Variants in NFIB observed in about 807,000 individuals in gnomAD.
NFIB encodes nuclear factor 1 B-type.
NFIB carries 11 observed loss-of-function variants against 61.5 expected under a neutral mutation model. That is an observed-to-expected ratio of 0.18 (90% CI 0.11 to 0.30). The LOEUF is 0.30. Among genes scored for constraint, NFIB ranks in the 10% least tolerant of loss-of-function variants. The pLI, the probability that NFIB is intolerant of heterozygous loss-of-function variation, is 1.00. For missense variants in NFIB, 471 were observed against 608.9 expected (o/e 0.77, Z 2.38); for synonymous variants, 260 against 216.5 (o/e 1.20, Z -1.76).
At chr9:14,424,964 C>A in the NFIB span, among the ~76,000 whole-genome samples, 1 of 152,122 alleles carries the variant, frequency 6.6e-6, no homozygotes, top group Non-Finnish European at 1.5e-5. Context: ...AATTGATCAG[C>A]TCTGTTCCAA....
the NFIB span, among the ~76,000 whole-genome samples, chr9:14,445,878 G>C: frequency 3.3e-5 from 5 of 152,004 alleles, no homozygotes; most frequent in South Asian, 8.3e-4. Flanking sequence ...TGTTTGATTG[G>C]GGAACATTTT....
chr9:14,359,572 G>A (rs2061215003), intron 1 of NFIB, among the ~76,000 whole-genome samples: 1 of 152,168 alleles, frequency 6.6e-6, no homozygotes, highest in African/African-American at 2.4e-5. Context: ...CTCCATAAAT[G>A]TGAGATAATC....
chr9:14,279,288 T>C (rs2058211348), intron 2 of NFIB, among the ~76,000 whole-genome samples: 1 of 152,172 alleles, frequency 6.6e-6, no homozygotes, highest in Non-Finnish European at 1.5e-5. Context: ...ATATTACATC[T>C]ACTAATCACT....
chr9:14,341,962 C>T (rs1425886244), intron 1 of NFIB, among the ~76,000 whole-genome samples: 1 of 149,958 alleles, frequency 6.7e-6, no homozygotes, highest in Non-Finnish European at 1.5e-5. Flanking sequence ...AAAAATCAGT[C>T]ATTTTGACAA....
At chr9:14,303,005 G>T (rs770586709) in intron 2 of NFIB, among the ~76,000 whole-genome samples, 2 of 152,106 alleles carry the variant, frequency 1.3e-5, no homozygotes, top group African/African-American at 4.8e-5. Context: ...TGAGAATTTC[G>T]TAACAGTGTG....
chr9:14,529,310 T>C, the NFIB span, among the ~76,000 whole-genome samples: 2 of 152,116 alleles, frequency 1.3e-5, no homozygotes, highest in African/African-American at 2.4e-5. Flanking sequence ...CAGGAAGCAA[T>C]TGCCTGGGTA....
intron 7 of NFIB, among the ~76,000 whole-genome samples, chr9:14,123,837 G>C (rs894199622): frequency 3.3e-5 from 5 of 150,134 alleles, no homozygotes; most frequent in Non-Finnish European, 7.4e-5. Context: ...TTGCCCCTCT[G>C]CCTCCCACAT....
chr9:14,274,233 T>C (rs549199600), intron 2 of NFIB, among the ~76,000 whole-genome samples: 2 of 141,854 alleles, frequency 1.4e-5, no homozygotes, highest in South Asian at 2.3e-4. Flanking sequence ...CCTTTCTCTC[T>C]CTAGCATTCT....
chr9:14,197,853 T>C (rs1185616885), intron 2 of NFIB, among the ~76,000 whole-genome samples: 3 of 151,966 alleles, frequency 2.0e-5, no homozygotes, highest in African/African-American at 7.3e-5. Flanking sequence ...TACAAAACAA[T>C]GACGAAAAGG....
At chr9:14,189,478 C>T (rs2047702247) in intron 2 of NFIB, among the ~76,000 whole-genome samples, 1 of 151,648 alleles carries the variant, frequency 6.6e-6, no homozygotes, top group Non-Finnish European at 1.5e-5. Context: ...ATTAGAAATA[C>T]TAGGAAAAAA....
At chr9:14,465,889 G>T in the NFIB span, among the ~76,000 whole-genome samples, 1 of 152,234 alleles carries the variant, frequency 6.6e-6, no homozygotes, top group African/African-American at 2.4e-5. Context: ...TCTCCCAGTT[G>T]TGACAATCGA....
chr9:14,360,026 C>T (rs2061219804), intron 1 of NFIB, among the ~76,000 whole-genome samples: 1 of 152,062 alleles, frequency 6.6e-6, no homozygotes. Context: ...TTTTGGAGAA[C>T]TTTTGAAAGT....
At chr9:14,165,971 C>A (rs1169244596) in intron 3 of NFIB, among the ~76,000 whole-genome samples, 4 of 152,090 alleles carry the variant, frequency 2.6e-5, no homozygotes, top group African/African-American at 9.7e-5. Context: ...GTATTGTACA[C>A]TTAAAAATGG....
intron 2 of NFIB, among the ~76,000 whole-genome samples, chr9:14,185,705 C>T (rs745529084): frequency 2.0e-5 from 3 of 152,100 alleles, no homozygotes; most frequent in Admixed American, 1.3e-4. Flanking sequence ...CAAAGCATAC[C>T]GCTCTGTGTA....
chr9:14,456,043 A>T, the NFIB span, among the ~76,000 whole-genome samples: 1 of 152,166 alleles, frequency 6.6e-6, no homozygotes, highest in African/African-American at 2.4e-5. Context: ...GTTGGACCTG[A>T]CCTCATATAT....
chr9:14,274,251 T>TACACACACACACACACACACAC lies in NFIB; in HGVS notation c.562+32716_562+32737dup, dbSNP rs71321975. On this transcript the variant is annotated intron_variant, in intron 2 of 10. Transcript: ENST00000380953. Reference sequence around the variant, plus strand: ...TTCTCTCTCTAGCATTCTTCCTCCCTACACACACACACACACACACACACA... The same window carrying TACACACACACACACACACACAC: ...TTCTCTCTCTAGCATTCTTCCTCCCTACACACACACACACACACACACACACACACACACACACACACACACA... Among the ~76,000 whole-genome samples the TACACACACACACACACACACAC allele has an allele frequency of 1.4e-3, 178 of 124,008 alleles. 11 individuals are homozygous for TACACACACACACACACACACAC. The highest frequency in any genetic ancestry group is 5.0e-3 in the African/African-American group (158 of 31,666). The allele number at this position is 124,008 out of a possible 152,430, so 81.4% of individuals were successfully genotyped here.
the NFIB span, among the ~76,000 whole-genome samples, chr9:14,420,130 T>C: frequency 6.6e-6 from 1 of 152,070 alleles, no homozygotes; most frequent in Non-Finnish European, 1.5e-5. Flanking sequence ...TTCAGTCTTT[T>C]CTCAACACTT....
chr9:14,498,630 AT>A, the NFIB span, among the ~76,000 whole-genome samples: 1 of 152,140 alleles, frequency 6.6e-6, no homozygotes, highest in Non-Finnish European at 1.5e-5. Flanking sequence ...TTCAGAGGAA[AT>A]TTGGGTGTCT....
chr9:14,452,655 C>T, the NFIB span, among the ~76,000 whole-genome samples: 1 of 152,020 alleles, frequency 6.6e-6, no homozygotes, highest in Non-Finnish European at 1.5e-5. Context: ...CATATTTGGC[C>T]CTATTCCCTA....
Sources: gnomAD v4.1 joint callset for allele counts (sites outside exome capture counted in the v4.1 genomes callset) on GRCh38, gnomAD v4.1.1 for gene constraint, MANE v1.5 for transcripts, NCBI Gene and HGNC (gene_info 2026-07-23, HGNC 2026-07-21) for gene names.